The following RNF144A variants were observed in gnomAD, a reference collection of about 807,000 sequenced individuals.
RNF144A encodes ring finger protein 144A, also known as E3 ubiquitin-protein ligase RNF144A.
RNF144A carries 11 observed loss-of-function variants against 38.7 expected under a neutral mutation model. That is an observed-to-expected ratio of 0.28 (90% CI 0.18 to 0.47). The LOEUF (loss-of-function observed/expected upper bound fraction) is 0.47, where lower values mean the gene tolerates loss of function less well. Among genes scored for constraint, RNF144A ranks in the 20% least tolerant of loss-of-function variants. The pLI is 0.99. For synonymous variants in RNF144A, 149 were observed against 143.9 expected (o/e 1.04, Z -0.25); for missense variants, 316 against 377.2 (o/e 0.84, Z 1.34).
At chr2:6,953,934 A>G (rs938954707) in intron 2 of RNF144A, among the ~76,000 whole-genome samples, 1 of 152,114 alleles carries the variant, frequency 6.6e-6, no homozygotes, top group African/African-American at 2.4e-5. Context: ...TACAAACTTA[A>G]AATTTATGGA....
chr2:7,015,693 G>C (rs543984640), intron 5 of RNF144A, among the ~76,000 whole-genome samples: 1 of 152,200 alleles, frequency 6.6e-6, no homozygotes, highest in Non-Finnish European at 1.5e-5. Context: ...TGGGCCCCAG[G>C]CTTGTCTGGT....
At position 6,943,030 on chromosome 2, in the gene RNF144A, T is replaced by G. The variant is rs1157097406; in HGVS notation, c.-12+1883T>G. 6.6e-6 allele frequency among the ~76,000 whole-genome samples: 1 copy of G among 152,132 alleles called. No homozygotes were observed. On this transcript the variant is annotated intron_variant, in intron 2 of 8. Coordinates refer to ENST00000320892, the MANE Select transcript of RNF144A (RefSeq NM_014746.6). The surrounding 1 kb of genome is among the most constrained non-coding windows in gnomAD (Gnocchi z 4.3). ...AGTTCAGTTTTGAACTTGCTGAGTG[T>G]GAGAAGATTATAAGCCACCCACATG...
chr2:6,970,040 G>A (rs1177119424), intron 2 of RNF144A, among the ~76,000 whole-genome samples: 4 of 152,316 alleles, frequency 2.6e-5, no homozygotes, highest in African/African-American at 7.2e-5. Context: ...GATTACAGGC[G>A]TAAGCCACCG....
At chr2:7,046,219 T>C (rs938701783), downstream of RNF144A, among the ~76,000 whole-genome samples, 1 of 152,224 alleles carries the variant, frequency 6.6e-6, no homozygotes, top group African/African-American at 2.4e-5. Context: ...CTCATCTCTG[T>C]CTATACCAGT....
intron 2 of RNF144A, among the ~76,000 whole-genome samples, chr2:6,994,838 C>T (rs1302319895): frequency 1.3e-5 from 2 of 152,242 alleles, no homozygotes; most frequent in Non-Finnish European, 1.5e-5. Flanking sequence ...CCGCCCCAGA[C>T]GCTGAAGGCC....
At chr2:7,048,699 T>G (rs549694704), downstream of RNF144A, among the ~76,000 whole-genome samples, 3 of 152,300 alleles carry the variant, frequency 2.0e-5, no homozygotes, top group South Asian at 6.2e-4. Context: ...AGCAAAGTAC[T>G]TCATAGGAAA....
intron 1 of RNF144A, chr2:6,933,349 T>C (rs1249491639): frequency 6.6e-6 from 1 of 152,228 alleles, no homozygotes; most frequent in Non-Finnish European, 1.5e-5. Context: ...GAAGAGCCTC[T>C]ACTAACTTGG....
intron 5 of RNF144A, among the ~76,000 whole-genome samples, chr2:7,016,147 G>A (rs1257256620): frequency 6.8e-6 from 1 of 147,828 alleles, no homozygotes; most frequent in Non-Finnish European, 1.5e-5. Context: ...AAAATATGTA[G>A]CCCACTTAAA....
intron 6 of RNF144A, among the ~76,000 whole-genome samples, chr2:7,052,344 G>T (rs1441680743): frequency 3.3e-5 from 5 of 152,134 alleles, no homozygotes; most frequent in Admixed American, 2.0e-4. Flanking sequence ...CCTCACAAAA[G>T]TGCTACAAAT....
chr2:7,009,795 A>T (rs557993443), intron 3 of RNF144A, among the ~76,000 whole-genome samples: 162 of 152,306 alleles, frequency 1.1e-3, no homozygotes, highest in South Asian at 3.5e-3. Flanking sequence ...GCCTGTGCTG[A>T]GGACCCGGCT....
chr2:6,995,606 C>G (rs891414756), intron 2 of RNF144A, among the ~76,000 whole-genome samples: 1 of 152,066 alleles, frequency 6.6e-6, no homozygotes, highest in Non-Finnish European at 1.5e-5. Flanking sequence ...ACTTGGAGTC[C>G]GATGTTCGAG....
At position 6,962,747 on chromosome 2, in the gene RNF144A, A is replaced by C. The variant is rs140725176; in HGVS notation, c.-12+21600A>C. Reference sequence around the variant, plus strand: ...GCACTTGTCTTATTTTATTCATCACAGCATAAACTTCCAGAGGCAGGGCAA... The same window carrying C: ...GCACTTGTCTTATTTTATTCATCACCGCATAAACTTCCAGAGGCAGGGCAA... On this transcript the variant is annotated intron_variant, in intron 2 of 8. Coordinates refer to ENST00000320892, the MANE Select transcript of RNF144A (RefSeq NM_014746.6). This position sits in a 1 kb window ranked among gnomAD's most constrained non-coding sequence, Gnocchi z 4.1. 6.9e-3 allele frequency among the ~76,000 whole-genome samples: 1,049 copies of C among 152,302 alleles called. 10 individuals carry two copies. The highest frequency in any genetic ancestry group is 0.012 in the Non-Finnish European group (802 of 68,010).
chr2:6,955,936 A>G (rs1312698372), intron 2 of RNF144A, among the ~76,000 whole-genome samples: 2 of 152,154 alleles, frequency 1.3e-5, no homozygotes, highest in Non-Finnish European at 2.9e-5. Flanking sequence ...CCAACCACAC[A>G]CTGGAACAAG....
intron 2 of RNF144A, among the ~76,000 whole-genome samples, chr2:6,972,736 T>C (rs543995682): frequency 6.6e-6 from 1 of 152,348 alleles, no homozygotes; most frequent in East Asian, 1.9e-4. Flanking sequence ...GTCCAAGGAC[T>C]GCGGTTCTGT....
chr2:7,030,184 C>G lies in RNF144A; in HGVS notation c.716C>G (p.Ser239Cys). 6.2e-7 allele frequency: 1 copy of G among 1,613,850 alleles called. No homozygotes were observed. Among genetic ancestry groups the G allele is most frequent in the East Asian group, 2.2e-5 (1 of 44,874 alleles). The change falls in exon 8 of 9, where the codon TCC becomes TGC. Residue 239 changes from serine (S) to cysteine (C), a missense_variant. Ser to Cys is a moderately radical substitution (Grantham distance 112). Coordinates refer to ENST00000320892, the MANE Select transcript of RNF144A (RefSeq NM_014746.6). ...CCCTGCCGGAACAAGCTGGGCCACT[C>G]CCGGGCATCTGTGATCTGGCATCGG... ...KGPCRNKLGH[S>C]RASVIWHRTQ...
intron 2 of RNF144A, among the ~76,000 whole-genome samples, chr2:6,952,631 A>G (rs1005147287): frequency 6.6e-6 from 1 of 150,464 alleles, no homozygotes; most frequent in Non-Finnish European, 1.5e-5. Flanking sequence ...GTATGTTAAC[A>G]TATATTTATA....
chr2:6,933,683 T>TTA (rs1553326305), intron 1 of RNF144A, among the ~76,000 whole-genome samples: 1 of 150,108 alleles, frequency 6.7e-6, no homozygotes, highest in Non-Finnish European at 1.5e-5. Context: ...GTTTTTTTTT[T>TTA]AATTTTAATT....
At chr2:6,968,734 G>T (rs573999635) in intron 2 of RNF144A, among the ~76,000 whole-genome samples, 1 of 151,676 alleles carries the variant, frequency 6.6e-6, no homozygotes, top group Non-Finnish European at 1.5e-5. Flanking sequence ...CTTGAAAAAC[G>T]CATCAACTCT....
At position 7,051,460 on chromosome 2, in the gene RNF144A, A is replaced by G. The variant is rs139902232; in HGVS notation, c.735-16756A>G. On this transcript the variant is annotated intron_variant, in intron 6 of 6. Coordinates refer to the RNF144A transcript ENST00000432850. Reference sequence around the variant, plus strand: ...ATATGGGATTTGCCTACGCCACGGTAGCTGCATGTAGGGGAGCTTGGATGC... The same window carrying G: ...ATATGGGATTTGCCTACGCCACGGTGGCTGCATGTAGGGGAGCTTGGATGC... Among the ~76,000 whole-genome samples the G allele has an allele frequency of 3.9e-3, 595 of 152,326 alleles. 2 individuals carry two copies. The highest frequency in any genetic ancestry group is 9.3e-3 in the South Asian group (45 of 4,828).
Sources: allele counts gnomAD v4.1 joint callset (sites outside exome capture counted in the v4.1 genomes callset), GRCh38; gene constraint gnomAD v4.1.1; non-coding constraint Gnocchi (gnomAD v3.1); transcripts MANE v1.5; gene names NCBI Gene and HGNC (gene_info 2026-07-23, HGNC 2026-07-21).